TBL3: variants seen among roughly 807,000 people sequenced by gnomAD.
The protein encoded by TBL3 is transducin beta like 3, also known as transducin beta-like protein 3.
In TBL3, 71 loss-of-function variants were observed where a neutral mutation model predicts 102.7. The ratio of observed to expected loss-of-function variants is 0.69; its 90% CI spans 0.57 to 0.84. The LOEUF is 0.84. TBL3 is among the 40% of genes least tolerant of loss of function. The probability of loss-of-function intolerance (pLI) is 0.00; values close to 1 mark genes in which losing one functional copy is unlikely to be tolerated. For synonymous variants in TBL3, 578 were observed against 477.7 expected (o/e 1.21, Z -2.74); for missense variants, 1,188 against 1,098.5 (o/e 1.08, Z -1.15).
Position 1,978,211 on chromosome 16 carries a change from G to T in TBL3, c.2125G>T (p.Asp709Tyr). 1 of 1,612,836 alleles carries T rather than the reference G, an allele frequency of 6.2e-7. No homozygotes were observed. ...LEATMLRLRRDQKEALLRFCV... is the reference protein window; with the variant it reads ...LEATMLRLRRYQKEALLRFCV... The stretch of plus-strand genomic sequence containing the variant: ...AGCCACCATGCTCCGACTGCGGCGC[G>T]ACCAGAAAGGTTGGCGGCCAGTCAG... Residue 709 changes from aspartate to tyrosine, a missense_variant, in exon 20 of 22, where the codon GAC becomes TAC. Physicochemically the swap from Asp to Tyr is radical, Grantham distance 160. Coordinates refer to ENST00000568546, the MANE Select transcript of TBL3 (RefSeq NM_006453.3).
rs547674012 is a variant in TBL3 at position 1,976,177 on chromosome 16, G to A, written c.1189-34G>A. On this transcript the variant is annotated intron_variant, in intron 12 of 21. Coordinates refer to ENST00000568546, the MANE Select transcript of TBL3 (RefSeq NM_006453.3). ...CGGGGAGGCCACGCAGTAGGCCCAT[G>A]GACCAGCCTCTCTCCTCAACTCCCT... The A allele has an allele frequency of 4.3e-6, 7 of 1,613,740 alleles. No homozygotes were observed. In the African/African-American group the frequency reaches 8.0e-5, roughly 18 times the overall value.
chr16:1,975,698 G>C lies in TBL3; in HGVS notation c.975G>C (p.Arg325=), dbSNP rs768389641. The C allele has an allele frequency of 1.9e-6, 3 of 1,611,878 alleles. No homozygotes were observed. In the Admixed American group the frequency reaches 5.0e-5, roughly 27 times the overall value. ...TGCTCTACGAGGCTCGCTCCCTGCG[G>C]CTGCAGAAACAGGTGCACACCTGCC... is the stretch of plus-strand genomic sequence containing the variant. ...NLLLYEARSL[R]LQKQFAGYSE... Residue 325 remains arginine (R), a synonymous_variant, in exon 10 of 22, where the codon CGG becomes CGC. Transcript: ENST00000568546.
rs2083492134 is a variant in TBL3 at position 1,980,772 on chromosome 16, T to TG, written c.*2088dup. The TG allele has an allele frequency of 3.8e-5, 59 of 1,552,502 alleles. No homozygotes were observed. Among genetic ancestry groups the TG allele is most frequent in the Non-Finnish European group, 5.2e-5 (59 of 1,140,930 alleles). The stretch of plus-strand genomic sequence containing the variant: ...AGGGCATTGGTCTTCCAGAGCCCAC[T>TG]GTGCACCCTTGAGAGGGCGGGGTCC... On this transcript the variant is annotated 3_prime_UTR_variant, in exon 22 of 22. Coordinates refer to ENST00000568546, the MANE Select transcript of TBL3 (RefSeq NM_006453.3).
In TBL3 at chr16:1,974,800, G is replaced by A. The variant is rs1473358380; in HGVS notation, c.417G>A (p.Val139=). 1.6e-5 allele frequency: 26 copies of A among 1,613,142 alleles called. No individual in the cohort carries two copies. The South Asian group carries it at 2.1e-4, about 13-fold the overall frequency. Residue 139 remains valine, a synonymous_variant, in exon 6 of 22, where the codon GTG becomes GTA. Transcript: ENST00000568546. ...GGGCCGTGCGCGTCTGGGACATCGT[G>A]CGGCACTACGGGACACACCACTTCC... The part of the protein sequence containing the change: ...CDGAVRVWDI[V]RHYGTHHFRG...
chr16:1,975,331 C>T lies in TBL3; in HGVS notation c.712-14C>T, dbSNP rs1567324902. ...GGGGGCATGATAGCAGCCTGTGACC[C>T]AATTCGTCTCCAGAGCGTGGAGGCT... On this transcript the variant is annotated splice_polypyrimidine_tract_variant and intron_variant, in intron 8 of 21. Transcript: ENST00000568546. 2 of 1,614,028 alleles carry T rather than the reference C, an allele frequency of 1.2e-6. No homozygotes were observed. The highest frequency in any genetic ancestry group is 8.5e-7 in the Non-Finnish European group (1 of 1,180,014).
rs764692842 is a variant in TBL3, at chr16:1,980,942, G to C, written c.*2257G>C. 1.2e-6 allele frequency: 2 copies of C among 1,612,390 alleles called. No homozygotes were observed. Among genetic ancestry groups the C allele is most frequent in the African/African-American group, 1.3e-5 (1 of 74,932 alleles). The stretch of plus-strand genomic sequence containing the variant: ...AGGGTGGCCCAGGGTCACTCACCTT[G>C]AGCTGCCTGAATTCGTCCCAACTCC... On this transcript the variant is annotated 3_prime_UTR_variant, in exon 22 of 22. Coordinates refer to ENST00000568546, the MANE Select transcript of TBL3 (RefSeq NM_006453.3).
intron 1 of TBL3, 139 bp from the exon 2 acceptor site, chr16:1,973,917 A>G (rs1597047375): frequency 1.1e-6 from 1 of 883,636 alleles, no homozygotes; most frequent in East Asian, 2.9e-5. Context: ...GTTCCACCCC[A>G]TGCCCTGTCC....
In TBL3 at chr16:1,979,389, G is replaced by C. The variant is rs2083448726; in HGVS notation, c.*704G>C. 8 of 1,595,918 alleles carry C rather than the reference G, an allele frequency of 5.0e-6. No homozygotes were observed. The highest frequency in any genetic ancestry group is 1.3e-5 in the African/African-American group (1 of 74,574). The stretch of plus-strand genomic sequence containing the variant: ...GTGTGGTTAGGGCCCCGCCCGCCTC[G>C]GCTAGCCTGCCCTGCCCACGCCCGC... On this transcript the variant is annotated 3_prime_UTR_variant, in exon 22 of 22. Coordinates refer to ENST00000568546, the MANE Select transcript of TBL3 (RefSeq NM_006453.3).
rs538805245 is a variant in TBL3, at chr16:1,972,745, C to T, written c.41+540C>T. 2.0e-5 allele frequency among the ~76,000 whole-genome samples: 3 copies of T among 152,290 alleles called. No individual in the cohort carries two copies. The South Asian group carries it at 6.2e-4, about 32-fold the overall frequency. On this transcript the variant is annotated intron_variant, in intron 1 of 21. Transcript: ENST00000568546. Reference sequence around the variant, plus strand: ...CGCAGCCTCATGGGATTATCGTTTCCACTGGCGGCTGTGGGGCTTTGGTTG... The same window carrying T: ...CGCAGCCTCATGGGATTATCGTTTCTACTGGCGGCTGTGGGGCTTTGGTTG...
At position 1,980,091 on chromosome 16, in the gene TBL3, G is replaced by A. The variant is rs1230499537; in HGVS notation, c.*1406G>A. 2 of 1,607,622 alleles carry A rather than the reference G, an allele frequency of 1.2e-6. No homozygotes were observed. Among genetic ancestry groups the A allele is most frequent in the Non-Finnish European group, 8.5e-7 (1 of 1,178,606 alleles). Reference sequence around the variant, plus strand: ...CCTGGGTACAGAAGGGCTGCAGGCAGCGCAGGCTCTGAGCCTCCAGACTGT... The same window carrying A: ...CCTGGGTACAGAAGGGCTGCAGGCAACGCAGGCTCTGAGCCTCCAGACTGT... On this transcript the variant is annotated 3_prime_UTR_variant, in exon 22 of 22. Transcript: ENST00000568546.
Position 1,980,936 on chromosome 16 carries a change from C to A in TBL3, c.*2251C>A, listed in dbSNP as rs2083495658. ...GGCATCAGGGTGGCCCAGGGTCACT[C>A]ACCTTGAGCTGCCTGAATTCGTCCC... On this transcript the variant is annotated 3_prime_UTR_variant, in exon 22 of 22. Coordinates refer to ENST00000568546, the MANE Select transcript of TBL3 (RefSeq NM_006453.3). 1.2e-6 allele frequency: 2 copies of A among 1,612,106 alleles called. No individual in the cohort carries two copies. Among genetic ancestry groups the A allele is most frequent in the African/African-American group, 2.7e-5 (2 of 74,918 alleles).
At position 1,979,716 on chromosome 16, in the gene TBL3, G is replaced by C; in HGVS notation, c.*1031G>C. On this transcript the variant is annotated 3_prime_UTR_variant, in exon 22 of 22. Transcript: ENST00000568546. The stretch of plus-strand genomic sequence containing the variant: ...CACGGGCTCCTGGCCCGCCCTGCCC[G>C]CGGTGCTTCTGGCCCAGTCTTGCCA... The C allele has an allele frequency of 7.7e-7, 1 of 1,294,486 alleles. No individual in the cohort carries two copies. Among genetic ancestry groups the C allele is most frequent in the Non-Finnish European group, 1.0e-6 (1 of 953,402 alleles). 80.2% of individuals were successfully genotyped at this position (1,294,486 alleles called of 1,614,324 possible). A position where few individuals can be genotyped will look rare whatever the true frequency, so the allele number is the denominator to read the frequency against.
chr16:1,974,736 C>G lies in TBL3; in HGVS notation c.380-27C>G, dbSNP rs1314050681. On this transcript the variant is annotated intron_variant, in intron 5 of 21. Coordinates refer to ENST00000568546, the MANE Select transcript of TBL3 (RefSeq NM_006453.3). ...CACAGATGCAGGGGCTTTGGGCATT[C>G]CACCCCCTCACCTTGCTTCCCCGCA... 1.9e-6 allele frequency: 3 copies of G among 1,611,988 alleles called. No individual in the cohort carries two copies. In the African/African-American group the frequency reaches 4.0e-5, roughly 21 times the overall value.
In TBL3 at chr16:1,976,110, C is replaced by A; in HGVS notation, c.1184C>A (p.Ala395Asp). ...FRKGWLFASC[A>D]KDQSVRIWRM... ...AAGGGGTGGCTCTTTGCCAGCTGTGCCAAGGTGAGGCACCCTGAGAGGTAG... is the reference window on the plus strand; with the variant it reads ...AAGGGGTGGCTCTTTGCCAGCTGTGACAAGGTGAGGCACCCTGAGAGGTAG... Residue 395 changes from alanine (A) to aspartate (D), a missense_variant, in exon 12 of 22, where the codon GCC becomes GAC. By Grantham distance (126) the Ala-to-Asp change is moderately radical. Coordinates refer to ENST00000568546, the MANE Select transcript of TBL3 (RefSeq NM_006453.3). 1 of 1,614,138 alleles carries A rather than the reference C, an allele frequency of 6.2e-7. No homozygotes were observed. Among genetic ancestry groups the A allele is most frequent in the Non-Finnish European group, 8.5e-7 (1 of 1,180,038 alleles).
rs201402195 is a variant in TBL3, at chr16:1,977,805, G to A, written c.1958+5G>A. 6.6e-5 allele frequency: 103 copies of A among 1,556,598 alleles called. No individual in the cohort carries two copies. The highest frequency in any genetic ancestry group is 8.5e-5 in the Non-Finnish European group (98 of 1,149,822). On this transcript the variant is annotated splice_donor_5th_base_variant and intron_variant, in intron 18 of 21. Coordinates refer to ENST00000568546, the MANE Select transcript of TBL3 (RefSeq NM_006453.3). ...GCAAGAGGAGCAGGTGGTCAGGTAAGGCCAGGGCAGTGGCGCCCCTCCCCG... is the reference window on the plus strand; with the variant it reads ...GCAAGAGGAGCAGGTGGTCAGGTAAAGCCAGGGCAGTGGCGCCCCTCCCCG...
rs2083418672 is a variant in TBL3, at chr16:1,978,027, G to A, written c.2028G>A (p.Leu676=). The change falls in exon 19 of 22, where the codon CTG becomes CTA. Residue 676 remains leucine, a synonymous_variant. Coordinates refer to ENST00000568546, the MANE Select transcript of TBL3 (RefSeq NM_006453.3). ...YLRALGLAIS[L]DRPHTVLTVI... is the part of the protein sequence containing the mutation. ...GGGCGCTGGGCCTGGCCATCTCCCT[G>A]GATCGGCCCCACACCGTGCTGACTG... 2 of 1,607,778 alleles carry A rather than the reference G, an allele frequency of 1.2e-6. No homozygotes were observed.
rs557103680 is a variant in TBL3, at chr16:1,978,552, A to T, written c.2294A>T (p.Glu765Val). The T allele has an allele frequency of 1.2e-6, 2 of 1,605,810 alleles. No individual in the cohort carries two copies. Among genetic ancestry groups the T allele is most frequent in the Admixed American group, 3.3e-5 (2 of 59,748 alleles). The change falls in exon 22 of 22, where the codon GAG (glutamate) becomes GTG (valine). Residue 765 changes from glutamate to valine, a missense_variant and splice_region_variant. Physicochemically the swap from Glu to Val is moderately radical, Grantham distance 121. Coordinates refer to ENST00000568546, the MANE Select transcript of TBL3 (RefSeq NM_006453.3). The part of the protein sequence containing the change: ...AALEALLPYT[E>V]RHFQRLSRTL... Reference sequence around the variant, plus strand: ...CTGACCTCCCTCTGTCCAACCCCAGAGCGGCACTTTCAGCGGCTCAGCAGG... The same window carrying T: ...CTGACCTCCCTCTGTCCAACCCCAGTGCGGCACTTTCAGCGGCTCAGCAGG...
rs140686526 is a variant in TBL3, at chr16:1,974,207, C to T, written c.104C>T (p.Thr35Ile). 495 of 1,594,520 alleles carry T rather than the reference C, an allele frequency of 3.1e-4. 1 individual carries two copies. The highest frequency in any genetic ancestry group is 2.9e-3 in the South Asian group (260 of 89,218). The change falls in exon 3 of 22, where the codon ACT becomes ATT. Residue 35 changes from threonine to isoleucine, a missense_variant. Physicochemically the swap from Thr to Ile is moderately conservative, Grantham distance 89 (BLOSUM62 -1). Transcript: ENST00000568546. The stretch of plus-strand genomic sequence containing the variant: ...CCTCTCTGTCCCCAGCTGGACCAGA[C>T]TGGCCAGCACCTCTTCTGCGTCTGT... ...YKGGKAQLDQ[T>I]GQHLFCVCGT...
In TBL3 at chr16:1,980,964, C is replaced by A. The variant is rs1019471673; in HGVS notation, c.*2279C>A. 1.2e-6 allele frequency: 2 copies of A among 1,612,976 alleles called. No homozygotes were observed. Among genetic ancestry groups the A allele is most frequent in the Non-Finnish European group, 1.7e-6 (2 of 1,180,002 alleles). On this transcript the variant is annotated 3_prime_UTR_variant, in exon 22 of 22. Transcript: ENST00000568546. ...CTTGAGCTGCCTGAATTCGTCCCAA[C>A]TCCTGCGCACGAAGGTGTCGCTGCC...
Sources: allele counts gnomAD v4.1 joint callset (sites outside exome capture counted in the v4.1 genomes callset), GRCh38; gene constraint gnomAD v4.1.1; transcripts MANE v1.5; gene names NCBI Gene and HGNC (gene_info 2026-07-23, HGNC 2026-07-21).